Variants in APP observed in about 807,000 individuals in gnomAD.
APP encodes amyloid beta precursor protein.
Under a neutral mutation model 101.4 loss-of-function variants are expected in APP, and 31 were observed. The observed-to-expected ratio is 0.31, with a 90% CI of 0.23 to 0.41. The LOEUF (loss-of-function observed/expected upper bound fraction) is 0.41, where lower values mean the gene tolerates loss of function less well. Ranked by LOEUF, APP falls within the 10% of genes least tolerant of loss-of-function variation. APP has a pLI of 1.00. For missense variants in APP, 839 were observed against 1,003.7 expected (o/e 0.84, Z 2.22); for synonymous variants, 366 against 364.4 (o/e 1.00, Z -0.05).
intron 6 of APP, among the ~76,000 whole-genome samples, 189 bp downstream of exon 6, chr21:26,021,651 A>T (rs1043083644): frequency 3.2e-4 from 49 of 152,208 alleles, no homozygotes; most frequent in African/African-American, 1.1e-3. Flanking sequence ...TGTATAATAA[A>T]GATTTCACAT....
chr21:26,120,721 AAATT>A lies in APP; in HGVS notation c.58-8579_58-8576del, dbSNP rs201719828. On this transcript the variant is annotated intron_variant, in intron 1 of 17. Transcript: ENST00000346798. The stretch of plus-strand genomic sequence containing the variant: ...TGTACAAAGGCATAGTTTTTAAAAA[AAATT>A]AAACATATTTTGTTTACACAATATA... Among the ~76,000 whole-genome samples, 147 of 152,352 alleles carry A rather than the reference AAATT, an allele frequency of 9.6e-4. 1 individual carries two copies. In the East Asian group the frequency reaches 0.025, roughly 26 times the overall value.
chr21:25,986,964 T>C (rs1434387583), intron 8 of APP, among the ~76,000 whole-genome samples: 1 of 152,204 alleles, frequency 6.6e-6, no homozygotes, highest in Non-Finnish European at 1.5e-5. Context: ...ATAAAGTCTG[T>C]TAAGATTGGG....
intron 3 of APP, among the ~76,000 whole-genome samples, chr21:26,062,926 C>A (rs1174591966): frequency 6.6e-6 from 1 of 151,976 alleles, no homozygotes; most frequent in Non-Finnish European, 1.5e-5. Flanking sequence ...CCATGACCAG[C>A]AATTTTTTTG....
At chr21:26,012,795 G>C (rs1260616408) in intron 6 of APP, among the ~76,000 whole-genome samples, 1 of 151,966 alleles carries the variant, frequency 6.6e-6, no homozygotes, top group Non-Finnish European at 1.5e-5. Context: ...CCAACGTGGT[G>C]AAACCCATCT....
chr21:26,166,928 GT>G (rs749781460), intron 1 of APP, among the ~76,000 whole-genome samples: 734 of 31,472 alleles, frequency 0.023, 9 homozygotes, highest in African/African-American at 0.18. Flanking sequence ...GAGACAGAGG[GT>G]GTGTGTGTGT....
At chr21:26,144,756 C>T (rs1323022855) in intron 1 of APP, among the ~76,000 whole-genome samples, 1 of 152,144 alleles carries the variant, frequency 6.6e-6, no homozygotes, top group Non-Finnish European at 1.5e-5. Flanking sequence ...CATGAGAATT[C>T]CAAAGATAGC....
chr21:26,081,865 T>C (rs1169906201), intron 3 of APP, among the ~76,000 whole-genome samples: 3 of 152,218 alleles, frequency 2.0e-5, no homozygotes, highest in African/African-American at 4.8e-5. Flanking sequence ...CCCTGAGTTA[T>C]TGTACGTTGA....
rs368253916 is a variant in APP at position 26,099,914 on chromosome 21, C to A, written c.226-9842G>T. On this transcript the variant is annotated intron_variant, in intron 2 of 17. Coordinates refer to ENST00000346798, the MANE Select transcript of APP (RefSeq NM_000484.4). ...GGGCGTTAGAATATTTCCCAATAATCTGGCCAAACTCTGCTTCTGACATTC... is the reference window on the plus strand; with the variant it reads ...GGGCGTTAGAATATTTCCCAATAATATGGCCAAACTCTGCTTCTGACATTC... Among the ~76,000 whole-genome samples, 184 of 152,314 alleles carry A rather than the reference C, an allele frequency of 1.2e-3. 1 individual carries two copies. The highest frequency in any genetic ancestry group is 4.3e-3 in the African/African-American group (178 of 41,574).
chr21:26,126,083 A>G (rs140805091), intron 1 of APP, among the ~76,000 whole-genome samples: 2,646 of 152,336 alleles, frequency 0.017, 35 homozygotes, highest in Non-Finnish European at 0.027. Context: ...AAAGATTTAC[A>G]TTCTACCAAA....
chr21:25,904,834 C>T (rs1270186874), intron 15 of APP, among the ~76,000 whole-genome samples, 190 bp downstream of exon 15: 3 of 151,804 alleles, frequency 2.0e-5, no homozygotes, highest in Non-Finnish European at 4.4e-5. Flanking sequence ...AATCATTTCA[C>T]TCGGAACTTG....
rs1301086846 is a variant in APP, at chr21:25,918,786, C to T, written c.1688-6824G>A. 1.5e-3 allele frequency among the ~76,000 whole-genome samples: 230 copies of T among 150,346 alleles called. 2 individuals carry two copies. The highest frequency in any genetic ancestry group is 5.1e-3 in the African/African-American group (210 of 41,020). Reference sequence around the variant, plus strand: ...AGCAGTCTGAGATCAAACTGCAAGGCGGCAGCGAGGCTGGGGGAGGGGAGC... The same window carrying T: ...AGCAGTCTGAGATCAAACTGCAAGGTGGCAGCGAGGCTGGGGGAGGGGAGC... On this transcript the variant is annotated intron_variant, in intron 13 of 17. Transcript: ENST00000346798.
chr21:25,951,156 T>C (rs1286116450), intron 13 of APP, among the ~76,000 whole-genome samples: 1 of 152,172 alleles, frequency 6.6e-6, no homozygotes. Context: ...GGGCCAGAAC[T>C]CACAAGCATG....
At chr21:25,997,500 A>T in intron 7 of APP, 84 bp from the exon 8 acceptor site, 1 of 1,229,342 alleles carries the variant, frequency 8.1e-7, no homozygotes, top group Middle Eastern at 2.1e-4. Context: ...CCACTGACAA[A>T]AAAACAACCT....
At chr21:26,112,687 C>T (rs1451033519) in intron 1 of APP, among the ~76,000 whole-genome samples, 2 of 152,178 alleles carry the variant, frequency 1.3e-5, no homozygotes, top group African/African-American at 2.4e-5. Context: ...GTAGAATTCA[C>T]CATCCACAAA....
intron 5 of APP, among the ~76,000 whole-genome samples, chr21:26,029,461 AGTGTGTCTAGTGAGGC>A (rs879926736): frequency 0.1 from 15,676 of 152,174 alleles, 1,270 homozygotes; most frequent in East Asian, 0.29. Context: ...AGTGAGTGCT[AGTGTGTCTAGTGAGGC>A]AGAGATTCCA....
In APP at chr21:26,152,173, T is replaced by C. The variant is rs373021991; in HGVS notation, c.57+18391A>G. 5.5e-4 allele frequency among the ~76,000 whole-genome samples: 82 copies of C among 149,142 alleles called. 2 individuals carry two copies. Among genetic ancestry groups the C allele is most frequent in the African/African-American group, 2.0e-3 (79 of 40,228 alleles). On this transcript the variant is annotated intron_variant, in intron 1 of 17. Transcript: ENST00000346798. ...GGTGGCGGGCGCCCGTAGTCCCAGCTACTCGGGAGGCTGAGGCGGGAGAAT... is the reference window on the plus strand; with the variant it reads ...GGTGGCGGGCGCCCGTAGTCCCAGCCACTCGGGAGGCTGAGGCGGGAGAAT...
At chr21:26,102,501 T>G (rs2062084614) in intron 2 of APP, among the ~76,000 whole-genome samples, 2 of 152,238 alleles carry the variant, frequency 1.3e-5, no homozygotes, top group African/African-American at 4.8e-5. Context: ...GGGAATATTA[T>G]TTTTGTTTTG....
Position 26,091,873 on chromosome 21 carries a change from A to G in APP, c.226-1801T>C, listed in dbSNP as rs1216257042. Among the ~76,000 whole-genome samples, 3 of 152,200 alleles carry G rather than the reference A, an allele frequency of 2.0e-5. No homozygotes were observed. The East Asian group carries it at 5.8e-4, about 29-fold the overall frequency. ...TTCGACCTGAGAAGGCTACAGGAGA[A>G]GTAGTGCCTTCCTTGGAGGGAGAAC... On this transcript the variant is annotated intron_variant, in intron 2 of 17. Coordinates refer to ENST00000346798, the MANE Select transcript of APP (RefSeq NM_000484.4).
At chr21:26,066,478 A>C (rs760705814) in intron 3 of APP, among the ~76,000 whole-genome samples, 16 of 129,252 alleles carry the variant, frequency 1.2e-4, no homozygotes, top group Middle Eastern at 3.8e-3. Context: ...CCCCACCTCC[A>C]CTCCCCATTC....
Sources: allele counts gnomAD v4.1 joint callset (sites outside exome capture counted in the v4.1 genomes callset), GRCh38; gene constraint gnomAD v4.1.1; transcripts MANE v1.5; gene names NCBI Gene and HGNC (gene_info 2026-07-23, HGNC 2026-07-21).